MRPS28: variants seen among roughly 807,000 people sequenced by gnomAD.
MRPS28 encodes mitochondrial ribosomal protein S28.
A neutral mutation model predicts 10.8 loss-of-function variants in MRPS28; 7 were observed. The observed-to-expected ratio is 0.65, with a 90% CI of 0.37 to 1.22. The LOEUF (loss-of-function observed/expected upper bound fraction) is 1.22, where lower values mean the gene tolerates loss of function less well. MRPS28 is among the 50% of genes most tolerant of loss of function. MRPS28 has a pLI of 0.02. For missense variants in MRPS28, 265 were observed against 232.9 expected, an observed-to-expected ratio of 1.14 and a Z score of -0.90; for synonymous variants, 121 against 93.3, an observed-to-expected ratio of 1.30 and a Z score of -1.71.
At chr8:79,943,118 G>C (rs941011695) in intron 2 of MRPS28, among the ~76,000 whole-genome samples, 4 of 152,204 alleles carry the variant, frequency 2.6e-5, no homozygotes, top group Non-Finnish European at 5.9e-5. Context: ...TGTGAAGTCA[G>C]TCCAGCAGCT....
intron 1 of MRPS28, chr8:80,029,688 G>A (rs185710448): frequency 1.5e-6 from 2 of 1,341,672 alleles, no homozygotes; most frequent in Admixed American, 2.2e-5. Flanking sequence ...GCCTCTCCGT[G>A]TGAGTCCCAT....
chr8:79,921,737 A>G (rs1303281131), intron 2 of MRPS28, among the ~76,000 whole-genome samples: 1 of 152,078 alleles, frequency 6.6e-6, no homozygotes, highest in African/African-American at 2.4e-5. Context: ...AACAGGGACA[A>G]TTTGACTTCC....
intron 2 of MRPS28, among the ~76,000 whole-genome samples, chr8:79,983,668 G>C (rs1808050852): frequency 6.6e-6 from 1 of 152,086 alleles, no homozygotes; most frequent in African/African-American, 2.4e-5. Context: ...GGAAGAAAGG[G>C]TATCAGTGAT....
chr8:80,022,511 G>C (rs1354687966), intron 1 of MRPS28, among the ~76,000 whole-genome samples: 1 of 152,194 alleles, frequency 6.6e-6, no homozygotes, highest in African/African-American at 2.4e-5. Context: ...TAGCTGGCCA[G>C]AGGCCAGGCA....
At chr8:80,026,570 A>C (rs770233467) in intron 1 of MRPS28, among the ~76,000 whole-genome samples, 6 of 152,384 alleles carry the variant, frequency 3.9e-5, no homozygotes, top group Middle Eastern at 3.4e-3. Context: ...CTATGGGTCA[A>C]GGACTGTGCT....
intron 2 of MRPS28, among the ~76,000 whole-genome samples, chr8:79,932,796 C>A (rs1806498247): frequency 6.6e-6 from 1 of 152,200 alleles, no homozygotes; most frequent in South Asian, 2.1e-4. Context: ...GCAGCCAGAT[C>A]TAACACCACT....
intron 1 of MRPS28, among the ~76,000 whole-genome samples, chr8:80,015,219 G>A (rs545344799): frequency 2.0e-5 from 3 of 152,100 alleles, no homozygotes; most frequent in Non-Finnish European, 4.4e-5. Context: ...AGTTCTGTGG[G>A]GAATAGAACT....
intron 2 of MRPS28, chr8:79,958,346 C>G: frequency 1.4e-6 from 1 of 695,556 alleles, no homozygotes; most frequent in South Asian, 1.5e-5. Flanking sequence ...TTATCTTTTA[C>G]GATGTTTTCC....
At chr8:80,014,702 C>T (rs1028993631) in intron 1 of MRPS28, among the ~76,000 whole-genome samples, 4 of 152,148 alleles carry the variant, frequency 2.6e-5, no homozygotes, top group Admixed American at 2.6e-4. Context: ...TGAAGGTAAA[C>T]AGACCCTGTC....
At chr8:79,989,933 C>T (rs1053015216) in intron 2 of MRPS28, among the ~76,000 whole-genome samples, 2 of 152,134 alleles carry the variant, frequency 1.3e-5, no homozygotes, top group African/African-American at 4.8e-5. Flanking sequence ...GTGGGTGGAT[C>T]ACCTGAGCTC....
Position 80,030,212 on chromosome 8 carries a change from C to T in MRPS28, c.37G>A (p.Glu13Lys). ...AGAAACACTCGCAGAAAATGGCTCT[C>T]GGCAGCCACAGCACGGGTCCGACAC... ...ALCRTRAVAA[E>K]SHFLRVFLFF... is the part of the protein sequence containing the mutation. Residue 13 changes from glutamate (E) to lysine (K), a missense_variant, in exon 1 of 3, where the codon GAG (glutamate) becomes AAG (lysine). By Grantham distance (56) the Glu-to-Lys change is moderately conservative. Transcript: ENST00000276585. 3 of 1,614,076 alleles carry T rather than the reference C, an allele frequency of 1.9e-6. No individual in the cohort carries two copies. Among genetic ancestry groups the T allele is most frequent in the Non-Finnish European group, 1.7e-6 (2 of 1,180,032 alleles).
At chr8:79,946,324 T>G (rs540588807) in intron 2 of MRPS28, among the ~76,000 whole-genome samples, 1 of 152,132 alleles carries the variant, frequency 6.6e-6, no homozygotes, top group African/African-American at 2.4e-5. Flanking sequence ...ACTATTAATG[T>G]GTATATACTT....
chr8:79,964,804 C>A (rs1034146215), intron 2 of MRPS28, among the ~76,000 whole-genome samples: 3 of 152,014 alleles, frequency 2.0e-5, no homozygotes, highest in Non-Finnish European at 1.5e-5. Flanking sequence ...AGTGTTAGCC[C>A]CAACACTCAC....
chr8:80,004,154 T>A (rs530094477), intron 1 of MRPS28, among the ~76,000 whole-genome samples: 1 of 152,162 alleles, frequency 6.6e-6, no homozygotes, highest in Non-Finnish European at 1.5e-5. Flanking sequence ...CTCCCAGCAC[T>A]GAGTTTGAGA....
chr8:79,977,339 A>T (rs1008417684), intron 2 of MRPS28, among the ~76,000 whole-genome samples: 1 of 152,202 alleles, frequency 6.6e-6, no homozygotes, highest in East Asian at 1.9e-4. Flanking sequence ...AAAAATAATA[A>T]TAACAGAAAT....
intron 2 of MRPS28, among the ~76,000 whole-genome samples, chr8:79,986,867 T>C (rs1202409731): frequency 6.6e-6 from 1 of 151,970 alleles, no homozygotes; most frequent in African/African-American, 2.4e-5. Context: ...AATTTATAGA[T>C]TCAATGCCAT....
chr8:79,964,598 TA>T (rs1425969253), intron 2 of MRPS28, among the ~76,000 whole-genome samples: 4 of 152,104 alleles, frequency 2.6e-5, no homozygotes, highest in African/African-American at 9.7e-5. Flanking sequence ...TGATCTTACA[TA>T]ACCCCTCCAG....
chr8:80,018,166 GC>G (rs1284900424), intron 1 of MRPS28, among the ~76,000 whole-genome samples: 5 of 151,788 alleles, frequency 3.3e-5, no homozygotes, highest in Admixed American at 2.6e-4. Flanking sequence ...GGTGGCAGGC[GC>G]CTGTAGTCCC....
chr8:80,007,441 G>A (rs923848720), intron 1 of MRPS28, among the ~76,000 whole-genome samples: 4 of 152,154 alleles, frequency 2.6e-5, no homozygotes, highest in African/African-American at 9.7e-5. Flanking sequence ...GCAGGAGAAA[G>A]AAATAAAGGG....
Sources: gnomAD v4.1 joint callset for allele counts (sites outside exome capture counted in the v4.1 genomes callset) on GRCh38, gnomAD v4.1.1 for gene constraint, MANE v1.5 for transcripts, NCBI Gene and HGNC (gene_info 2026-07-23, HGNC 2026-07-21) for gene names.